SALL1: variants seen among roughly 807,000 people sequenced by gnomAD.
SALL1 encodes spalt like transcription factor 1.
A neutral mutation model predicts 73.1 loss-of-function variants in SALL1; 10 were observed. The ratio of observed to expected loss-of-function variants is 0.14; its 90% CI spans 0.08 to 0.23. The LOEUF is 0.23. Ranked by LOEUF, SALL1 falls within the 10% of genes least tolerant of loss-of-function variation. The pLI, the probability that SALL1 is intolerant of heterozygous loss-of-function variation, is 1.00. For missense variants in SALL1, 1,520 were observed against 1,697.3 expected (o/e 0.90, Z 1.84); for synonymous variants, 688 against 689.8 (o/e 1.00, Z 0.04).
At chr16:51,151,955 G>C (rs1329530102), upstream of SALL1, among the ~76,000 whole-genome samples, 2 of 151,480 alleles carry the variant, frequency 1.3e-5, no homozygotes, top group African/African-American at 4.8e-5. Flanking sequence ...GTCCCGTTTC[G>C]TGAGTGTTTC....
In SALL1 at chr16:51,140,560, T is replaced by C. The variant is rs1440054069; in HGVS notation, c.1662A>G (p.Ser554=). The C allele has an allele frequency of 3.1e-6, 5 of 1,613,958 alleles. No individual in the cohort carries two copies. The South Asian group carries it at 5.5e-5, about 18-fold the overall frequency. Residue 554 remains serine (S), a synonymous_variant, in exon 2 of 3, where the codon TCA becomes TCG. Transcript: ENST00000251020. This position sits in a 1 kb window ranked among gnomAD's most constrained non-coding sequence, Gnocchi z 5.7. ...GGGTTGGGGGCAACGGCAGGCCGAC[T>C]GAAGTGGTCAGAGTAGGCAGGACTG... is the stretch of plus-strand genomic sequence containing the variant. The part of the protein sequence containing the change: ...TKPVLPTLTT[S]VGLPLPPTLP...
intron 1 of SALL1, chr16:51,149,187 T>A (rs917748243): frequency 6.6e-6 from 1 of 152,554 alleles, no homozygotes; most frequent in African/African-American, 2.4e-5. Flanking sequence ...AAGACTTAAC[T>A]ATTAAAAATT....
Position 51,139,700 on chromosome 16 carries a change from G to A in SALL1, c.2522C>T (p.Pro841Leu), listed in dbSNP as rs765977472. 6.2e-7 allele frequency: 1 copy of A among 1,614,240 alleles called. No homozygotes were observed. The highest frequency in any genetic ancestry group is 2.2e-5 in the East Asian group (1 of 44,886). ...DCPEGSIPDTPKSADASQDSL... is the reference protein window; with the variant it reads ...DCPEGSIPDTLKSADASQDSL... ...GTCTTGGGAGGCGTCTGCAGACTTAGGTGTATCAGGGATGCTGCCCTCAGG... is the reference window on the plus strand; with the variant it reads ...GTCTTGGGAGGCGTCTGCAGACTTAAGTGTATCAGGGATGCTGCCCTCAGG... Residue 841 changes from proline (P) to leucine (L), a missense_variant, in exon 2 of 3, where the codon CCT becomes CTT. Pro to Leu is a moderately conservative substitution (Grantham distance 98). Transcript: ENST00000251020.
Position 51,138,958 on chromosome 16 carries a change from C to T in SALL1, c.3264G>A (p.Glu1088=). ...GAGAAACATGCACGAAGCCGTTGAC[C>T]TCTGTCTTGATGAGAGATGACAACG... The part of the protein sequence containing the change: ...ANSLSSLIKT[E]VNGFVHVSPQ... The change falls in exon 2 of 3, where the codon GAG becomes GAA. Residue 1088 remains glutamate, a synonymous_variant. Coordinates refer to ENST00000251020, the MANE Select transcript of SALL1 (RefSeq NM_002968.3). 6.2e-7 allele frequency: 1 copy of T among 1,614,136 alleles called. No individual in the cohort carries two copies. The highest frequency in any genetic ancestry group is 1.3e-5 in the African/African-American group (1 of 75,014).
intron 1 of SALL1, among the ~76,000 whole-genome samples, chr16:51,142,556 A>C (rs1404222618): frequency 6.6e-6 from 1 of 152,148 alleles, no homozygotes; most frequent in African/African-American, 2.4e-5. Flanking sequence ...AACCGACTCA[A>C]AGATATCTGT....
Position 51,138,907 on chromosome 16 carries a change from G to A in SALL1, c.3315C>T (p.Thr1105=). Residue 1105 remains threonine, a synonymous_variant, in exon 2 of 3, where the codon ACC becomes ACT. Transcript: ENST00000251020. ...VSPQDSKDTP[T]SHVPSGPLSS... ...ACAGAGGCCCAGACGGGACGTGACT[G>A]GTGGGGGTGTCCTTACTGTCCTGAG... 1.2e-6 allele frequency: 2 copies of A among 1,614,160 alleles called. No individual in the cohort carries two copies. Among genetic ancestry groups the A allele is most frequent in the South Asian group, 2.2e-5 (2 of 91,078 alleles).
intron 1 of SALL1, chr16:51,150,435 T>C (rs917398444): frequency 2.0e-6 from 2 of 985,332 alleles, no homozygotes; most frequent in African/African-American, 3.5e-5. Context: ...GATGCGGAGA[T>C]AAATTTTGCG....
rs765451610 is a variant in SALL1, at chr16:51,139,116, G to A, written c.3106C>T (p.Arg1036Cys). The A allele has an allele frequency of 1.2e-6, 2 of 1,614,224 alleles. No individual in the cohort carries two copies. The highest frequency in any genetic ancestry group is 2.2e-5 in the South Asian group (2 of 91,080). The change falls in exon 2 of 3, where the codon CGT (arginine) becomes TGT (cysteine). Residue 1036 changes from arginine (R) to cysteine (C), a missense_variant. This residue lies in a region of SALL1 where 22 missense variants were observed against 52.0 expected (regional missense o/e 0.42). Transcript: ENST00000251020. ...AAATTACCCTTTGTGGAAAAGCCAC[G>A]ATTGCAAACTGTGCAAATAAATGGT... is the stretch of plus-strand genomic sequence containing the variant. Reference protein sequence around the residue: ...ERPFICTVCNRGFSTKGNLKQ... With the variant: ...ERPFICTVCNCGFSTKGNLKQ...
Position 51,136,700 on chromosome 16 carries a change from T to C in SALL1, c.*412A>G, listed in dbSNP as rs1165409986. 1 of 263,384 alleles carries C rather than the reference T, an allele frequency of 3.8e-6. No homozygotes were observed. Among genetic ancestry groups the C allele is most frequent in the East Asian group, 9.6e-5 (1 of 10,442 alleles). 16.3% of individuals were successfully genotyped at this position (263,384 alleles called of 1,614,324 possible). A position where few individuals can be genotyped will look rare whatever the true frequency, so the allele number is the denominator to read the frequency against. ...GTGTACATGTATATACAGACTTTAT[T>C]AGAGATCTAATGCATCACTGAGGCA... On this transcript the variant is annotated 3_prime_UTR_variant, in exon 3 of 3. Coordinates refer to ENST00000251020, the MANE Select transcript of SALL1 (RefSeq NM_002968.3).
chr16:51,151,291 T>A (rs1326063290), upstream of SALL1: 1 of 1,357,498 alleles, frequency 7.4e-7, no homozygotes, highest in Non-Finnish European at 9.8e-7. Flanking sequence ...TAAAAAAAAA[T>A]CTTCTCAAAA....
chr16:51,142,193 C>T (rs1052337409), intron 1 of SALL1, 48 bp from the exon 2 acceptor site: 1 of 1,393,096 alleles, frequency 7.2e-7, no homozygotes, highest in Non-Finnish European at 1.0e-6. Flanking sequence ...CCAGGACACA[C>T]AGTCACCTAT....
Position 51,151,152 on chromosome 16 carries a change from G to T in SALL1, c.76+14C>A. 1 of 1,585,660 alleles carries T rather than the reference G, an allele frequency of 6.3e-7. No individual in the cohort carries two copies. On this transcript the variant is annotated intron_variant, in intron 1 of 2. Transcript: ENST00000251020. The stretch of plus-strand genomic sequence containing the variant: ...GCGTGTGTGTGTGTCCACGGCGCGG[G>T]CCGGAGCACTCACCATCTCGCCGGG...
In SALL1 at chr16:51,141,720, C is replaced by T. The variant is rs1286625214; in HGVS notation, c.502G>A (p.Gly168Ser). ...SSGGGGSSST[G>S]TSAITTSLPQ... is the part of the protein sequence containing the mutation. ...AGAGAGGTTGTGATCGCTGAGGTAC[C>T]TGTGGAGGAGCTGCCGCCGCCGCCG... The change falls in exon 2 of 3, where the codon GGT becomes AGT. Residue 168 changes from glycine (G) to serine (S), a missense_variant. Physicochemically the swap from Gly to Ser is moderately conservative, Grantham distance 56. This residue lies in a region of SALL1 where 540 missense variants were observed against 567.5 expected (regional missense o/e 0.95). Transcript: ENST00000251020. This position sits in a 1 kb window ranked among gnomAD's most constrained non-coding sequence, Gnocchi z 5.4. The T allele has an allele frequency of 1.2e-6, 2 of 1,613,422 alleles. No individual in the cohort carries two copies. The highest frequency in any genetic ancestry group is 1.7e-6 in the Non-Finnish European group (2 of 1,179,974).
Position 51,137,062 on chromosome 16 carries a change from A to C in SALL1, c.*50T>G, listed in dbSNP as rs1230508124. ...GGGGCAAGGAGTAGGAGGCCACCAT[A>C]GGTCGCATTCTGAACAGGAATGAAT... On this transcript the variant is annotated 3_prime_UTR_variant, in exon 3 of 3. Transcript: ENST00000251020. The C allele has an allele frequency of 6.3e-7, 1 of 1,577,764 alleles. No homozygotes were observed. Among genetic ancestry groups the C allele is most frequent in the Non-Finnish European group, 8.7e-7 (1 of 1,149,286 alleles).
In SALL1 at chr16:51,137,487, A is replaced by G. The variant is rs1962332362; in HGVS notation, c.3600T>C (p.Asp1200=). Residue 1200 remains aspartate (D), a synonymous_variant, in exon 3 of 3, where the codon GAT becomes GAC. Coordinates refer to ENST00000251020, the MANE Select transcript of SALL1 (RefSeq NM_002968.3). ...TGCCTCCTAGAAATGTCATGGGGCCATCCACAGAGAGCCGCCGACCCCGTC... is the reference window on the plus strand; with the variant it reads ...TGCCTCCTAGAAATGTCATGGGGCCGTCCACAGAGAGCCGCCGACCCCGTC... ...PARRGRRLSV[D]GPMTFLGGNP... 1 of 1,613,998 alleles carries G rather than the reference A, an allele frequency of 6.2e-7. No homozygotes were observed. Among genetic ancestry groups the G allele is most frequent in the Non-Finnish European group, 8.5e-7 (1 of 1,179,998 alleles).
chr16:51,138,684 G>A lies in SALL1; in HGVS notation c.3534+4C>T. 1.9e-6 allele frequency: 3 copies of A among 1,610,610 alleles called. No homozygotes were observed. The highest frequency in any genetic ancestry group is 4.5e-5 in the East Asian group (2 of 44,858). ...GCAGGTATGGTGCAGAGAGAGCAAG[G>A]TACCTTAAGATTGCCTTTAGTCGTG... On this transcript the variant is annotated splice_donor_region_variant and intron_variant, in intron 2 of 2. Transcript: ENST00000251020.
At chr16:51,138,011 G>T (rs1597227238) in intron 2 of SALL1, among the ~76,000 whole-genome samples, 1 of 152,210 alleles carries the variant, frequency 6.6e-6, no homozygotes, top group Admixed American at 6.5e-5. Context: ...TGGAGGGCCT[G>T]CGTATGGAGA....
Position 51,139,185 on chromosome 16 carries a change from G to A in SALL1, c.3037C>T (p.Gln1013Ter). The A allele has an allele frequency of 6.2e-7, 1 of 1,614,222 alleles. No homozygotes were observed. Among genetic ancestry groups the A allele is most frequent in the Non-Finnish European group, 8.5e-7 (1 of 1,180,056 alleles). ...CTATAGTGAATGTCCAAGGCACTCT[G>A]ACAAGCAAATGTTTTGCCACAAATG... ...CDICGKTFACQSALDIHYRSH... is the reference protein window; with the variant it reads ...CDICGKTFAC Residue 1013 changes from glutamine to a stop codon, truncating the protein, a stop_gained, in exon 2 of 3, where the codon CAG (glutamine) becomes TAG (stop). Transcript: ENST00000251020. LOFTEE classifies it high-confidence loss of function.
rs113614842 is a variant in SALL1 at position 51,141,744 on chromosome 16, C to CGCTGCTGCTGCT, written c.466_477dup (p.Ser156_Ser159dup). On this transcript the variant is annotated inframe_insertion, in exon 2 of 3. Coordinates refer to ENST00000251020, the MANE Select transcript of SALL1 (RefSeq NM_002968.3). This position sits in a 1 kb window ranked among gnomAD's most constrained non-coding sequence, Gnocchi z 5.4. ...CCTGTGGAGGAGCTGCCGCCGCCGC[C>CGCTGCTGCTGCT]GCTGCTGCTGCTGCTGCTGCTGCTG... The CGCTGCTGCTGCT allele has an allele frequency of 2.0e-4, 312 of 1,580,028 alleles. No individual in the cohort carries two copies. In the South Asian group the frequency reaches 3.0e-3, roughly 15 times the overall value.
Sources: gnomAD v4.1 joint callset for allele counts (sites outside exome capture counted in the v4.1 genomes callset) on GRCh38, gnomAD v4.1.1 for gene constraint, gnomAD v4.1.1 regional missense constraint, Gnocchi (gnomAD v3.1) non-coding constraint, MANE v1.5 for transcripts, NCBI Gene and HGNC (gene_info 2026-07-23, HGNC 2026-07-21) for gene names.